Variants in PAN3 observed in about 807,000 individuals in gnomAD.
The protein encoded by PAN3 is PAN2-PAN3 deadenylation complex subunit PAN3.
Under a neutral mutation model 96.2 loss-of-function variants are expected in PAN3, and 19 were observed. The ratio of observed to expected loss-of-function variants is 0.20; its 90% CI spans 0.14 to 0.29. The LOEUF is 0.29. Ranked by LOEUF, PAN3 falls within the 10% of genes least tolerant of loss-of-function variation. The pLI, the probability that PAN3 is intolerant of heterozygous loss-of-function variation, is 1.00. For synonymous variants in PAN3, 433 were observed against 406.6 expected (o/e 1.06, Z -0.78); for missense variants, 882 against 1,108.1 (o/e 0.80, Z 2.90).
chr13:28,208,695 A>T (rs938568339), intron 5 of PAN3, among the ~76,000 whole-genome samples: 1 of 152,148 alleles, frequency 6.6e-6, no homozygotes. Context: ...CTGATTAGGG[A>T]TACCTAGTTT....
At chr13:28,264,532 A>G (rs1886003893) in intron 9 of PAN3, among the ~76,000 whole-genome samples, 1 of 152,170 alleles carries the variant, frequency 6.6e-6, no homozygotes, top group Non-Finnish European at 1.5e-5. Flanking sequence ...TCCAAAAAAA[A>G]AGAAAAAAGT....
intron 4 of PAN3, among the ~76,000 whole-genome samples, chr13:28,188,525 C>T (rs1876788030): frequency 6.6e-6 from 1 of 151,712 alleles, no homozygotes; most frequent in African/African-American, 2.4e-5. Flanking sequence ...CGTTTGAGCT[C>T]AGGGGTTTGA....
chr13:28,199,837 C>T (rs1314624387), intron 5 of PAN3, among the ~76,000 whole-genome samples: 2 of 152,146 alleles, frequency 1.3e-5, no homozygotes, highest in Middle Eastern at 3.4e-3. Context: ...TTCATCTTTC[C>T]TGTTCCATTT....
At position 28,266,833 on chromosome 13, in the gene PAN3, A is replaced by G; in HGVS notation, c.1530A>G (p.Val510=). 1 of 1,609,918 alleles carries G rather than the reference A, an allele frequency of 6.2e-7. No individual in the cohort carries two copies. Among genetic ancestry groups the G allele is most frequent in the South Asian group, 1.1e-5 (1 of 90,268 alleles). The change falls in exon 10 of 19, where the codon GTA becomes GTG. Residue 510 remains valine, a synonymous_variant. Coordinates refer to ENST00000380958, the MANE Select transcript of PAN3 (RefSeq NM_175854.8). ...FGYITSCYKA[V]NSKDDLPYCL... ...ATATTACATCTTGCTACAAAGCTGT[A>G]AACAGCAAAGATGATCTGCCATATT...
intron 5 of PAN3, among the ~76,000 whole-genome samples, chr13:28,211,745 C>G (rs1880060794): frequency 1.3e-5 from 2 of 152,090 alleles, no homozygotes; most frequent in Non-Finnish European, 2.9e-5. Flanking sequence ...TCAGAAACAG[C>G]TAAAAAACTG....
At chr13:28,269,335 C>T (rs1886421361) in intron 12 of PAN3, among the ~76,000 whole-genome samples, 1 of 151,890 alleles carries the variant, frequency 6.6e-6, no homozygotes, top group South Asian at 2.1e-4. Flanking sequence ...TTTATATTTT[C>T]ATAGGAAGTA....
chr13:28,169,587 A>G (rs894309061), intron 1 of PAN3, among the ~76,000 whole-genome samples: 1 of 151,930 alleles, frequency 6.6e-6, no homozygotes, highest in Non-Finnish European at 1.5e-5. Flanking sequence ...TGTTCTTGGT[A>G]ATTAAAAAAA....
At chr13:28,170,085 A>G (rs1593401180) in intron 1 of PAN3, among the ~76,000 whole-genome samples, 1 of 152,094 alleles carries the variant, frequency 6.6e-6, no homozygotes, top group South Asian at 2.1e-4. Flanking sequence ...AATAATTTTA[A>G]CCATTGATTA....
intron 6 of PAN3, among the ~76,000 whole-genome samples, chr13:28,255,879 G>C (rs1437599121): frequency 6.6e-6 from 1 of 151,198 alleles, no homozygotes; most frequent in African/African-American, 2.4e-5. Flanking sequence ...TATTGTTAAT[G>C]ATTCTTAATA....
intron 1 of PAN3, among the ~76,000 whole-genome samples, chr13:28,150,898 T>G (rs1871283060): frequency 6.6e-6 from 1 of 152,150 alleles, no homozygotes; most frequent in African/African-American, 2.4e-5. Flanking sequence ...GCAGACAGTA[T>G]TTATAAATAT....
At chr13:28,242,637 G>A (rs1883785584) in intron 6 of PAN3, among the ~76,000 whole-genome samples, 1 of 152,178 alleles carries the variant, frequency 6.6e-6, no homozygotes, top group African/African-American at 2.4e-5. Context: ...AGTATTTGGT[G>A]TTGGCAAGTA....
intron 1 of PAN3, among the ~76,000 whole-genome samples, chr13:28,142,511 ATTT>A (rs74881179): frequency 2.2e-4 from 28 of 126,626 alleles, no homozygotes; most frequent in African/African-American, 2.3e-4. Flanking sequence ...ATAGATGGCA[ATTT>A]TTTTTTTTTT....
rs569041787 is a variant in PAN3, at chr13:28,169,915, C to T, written c.431-4357C>T. 5.9e-5 allele frequency among the ~76,000 whole-genome samples: 9 copies of T among 152,002 alleles called. No homozygotes were observed. In the South Asian group the frequency reaches 1.5e-3, roughly 25 times the overall value. On this transcript the variant is annotated intron_variant, in intron 1 of 18. Transcript: ENST00000380958. ...TACAAAAATTAGCTGGGCGTGGTGA[C>T]GGGCAGCTGTAATCCCAGCTACTTG...
chr13:28,153,487 T>C (rs778701992), intron 1 of PAN3, among the ~76,000 whole-genome samples: 11 of 152,046 alleles, frequency 7.2e-5, no homozygotes, highest in Non-Finnish European at 1.5e-4. Context: ...TCCTCCTGCC[T>C]TGGCCTCCAG....
intron 1 of PAN3, among the ~76,000 whole-genome samples, chr13:28,141,847 G>T (rs1333202863): frequency 6.6e-6 from 1 of 152,182 alleles, no homozygotes; most frequent in Non-Finnish European, 1.5e-5. Context: ...GGAGGGGAAG[G>T]TAAGTACCCT....
At chr13:28,206,315 CTTTTTTTTTTTTT>C (rs71086837) in intron 5 of PAN3, among the ~76,000 whole-genome samples, 1 of 94,948 alleles carries the variant, frequency 1.1e-5, no homozygotes. Context: ...GTCTAACTGA[CTTTTTTTTTTTTT>C]TTTTTTTTTT....
At chr13:28,238,658 C>T (rs1883321575) in intron 6 of PAN3, among the ~76,000 whole-genome samples, 1 of 151,982 alleles carries the variant, frequency 6.6e-6, no homozygotes, top group Admixed American at 6.6e-5. Context: ...TATTGGCCAC[C>T]TTCATGATTC....
At chr13:28,154,018 A>G (rs1279765381) in intron 1 of PAN3, among the ~76,000 whole-genome samples, 1 of 152,232 alleles carries the variant, frequency 6.6e-6, no homozygotes, top group African/African-American at 2.4e-5. Context: ...AATAGTAATT[A>G]TCTTGGCATA....
chr13:28,240,648 G>A (rs1883571463), intron 6 of PAN3, among the ~76,000 whole-genome samples: 1 of 152,150 alleles, frequency 6.6e-6, no homozygotes. Context: ...TGAGTTTGCA[G>A]AAAATTCAAC....
Sources: allele counts gnomAD v4.1 joint callset (sites outside exome capture counted in the v4.1 genomes callset), GRCh38; gene constraint gnomAD v4.1.1; transcripts MANE v1.5; gene names NCBI Gene and HGNC (gene_info 2026-07-23, HGNC 2026-07-21).